HS6ST3: variants seen among roughly 807,000 people sequenced by gnomAD.
The protein encoded by HS6ST3 is heparan-sulfate 6-O-sulfotransferase 3.
HS6ST3 carries 12 observed loss-of-function variants against 36.7 expected under a neutral mutation model. The observed-to-expected ratio is 0.33, with a 90% CI of 0.21 to 0.53. The LOEUF (loss-of-function observed/expected upper bound fraction) is 0.53, where lower values mean the gene tolerates loss of function less well. Ranked by LOEUF, HS6ST3 falls within the 20% of genes least tolerant of loss-of-function variation. HS6ST3 has a pLI of 0.95. For missense variants in HS6ST3, 584 were observed against 640.9 expected, an observed-to-expected ratio of 0.91 and a Z score of 0.96; for synonymous variants, 240 against 257.5, an observed-to-expected ratio of 0.93 and a Z score of 0.65.
At chr13:96,766,980 GT>G (rs967077228) in intron 1 of HS6ST3, among the ~76,000 whole-genome samples, 5 of 152,134 alleles carry the variant, frequency 3.3e-5, no homozygotes, top group Non-Finnish European at 7.4e-5. Flanking sequence ...CAACTTTAGT[GT>G]ATTTTTATGC....
chr13:96,563,401 G>A (rs146379148), intron 1 of HS6ST3, among the ~76,000 whole-genome samples: 164 of 152,204 alleles, frequency 1.1e-3, no homozygotes, highest in Non-Finnish European at 1.8e-3. Flanking sequence ...AGCAGGATTT[G>A]TTTTTCTTGG....
intron 1 of HS6ST3, among the ~76,000 whole-genome samples, chr13:96,549,862 A>G (rs1374790334): frequency 6.6e-6 from 1 of 151,642 alleles, no homozygotes; most frequent in East Asian, 1.9e-4. Context: ...TAGTGCTTCC[A>G]CTCAATGGTG....
intron 1 of HS6ST3, among the ~76,000 whole-genome samples, chr13:96,663,067 G>A (rs369661560): frequency 1.6e-4 from 25 of 152,080 alleles, no homozygotes; most frequent in African/African-American, 3.1e-4. Context: ...AAGCTGGACC[G>A]CTGTGCTCAC....
chr13:96,166,018 G>A (rs1414384100), intron 1 of HS6ST3, among the ~76,000 whole-genome samples: 1 of 144,254 alleles, frequency 6.9e-6, no homozygotes, highest in Non-Finnish European at 1.5e-5. Flanking sequence ...AAGGGTGGAA[G>A]GGGTTATTTA....
intron 1 of HS6ST3, among the ~76,000 whole-genome samples, chr13:96,374,875 A>G (rs1323702902): frequency 6.6e-6 from 1 of 151,862 alleles, no homozygotes; most frequent in African/African-American, 2.4e-5. Context: ...TTTTCTTCTA[A>G]CTCACTAGCT....
At chr13:96,155,228 C>A (rs1300840389) in intron 1 of HS6ST3, among the ~76,000 whole-genome samples, 1 of 152,008 alleles carries the variant, frequency 6.6e-6, no homozygotes, top group East Asian at 1.9e-4. Context: ...ACCTTAAAAG[C>A]CCAAATAATA....
chr13:96,183,374 C>A (rs2054248679), intron 1 of HS6ST3, among the ~76,000 whole-genome samples: 1 of 152,106 alleles, frequency 6.6e-6, no homozygotes, highest in Non-Finnish European at 1.5e-5. Flanking sequence ...TTGGGATGAT[C>A]TTCATTTTGT....
At chr13:96,120,850 G>A (rs1023426577) in intron 1 of HS6ST3, among the ~76,000 whole-genome samples, 2 of 152,166 alleles carry the variant, frequency 1.3e-5, no homozygotes, top group African/African-American at 2.4e-5. Flanking sequence ...TGAGGAGGCT[G>A]ACATATCTAA....
At chr13:96,524,883 G>A (rs1046021862) in intron 1 of HS6ST3, among the ~76,000 whole-genome samples, 2 of 152,186 alleles carry the variant, frequency 1.3e-5, no homozygotes, top group Non-Finnish European at 2.9e-5. Flanking sequence ...TCCTGTCCCA[G>A]TGAGATGAAC....
intron 1 of HS6ST3, among the ~76,000 whole-genome samples, chr13:96,550,366 G>A (rs1026635712): frequency 1.3e-5 from 2 of 152,128 alleles, no homozygotes; most frequent in African/African-American, 4.8e-5. Context: ...CCATCAGTAA[G>A]AGCTTCCTGA....
intron 1 of HS6ST3, among the ~76,000 whole-genome samples, chr13:96,351,335 T>TTTTTTTTTTTAAAA (rs1203595829): frequency 6.8e-6 from 1 of 146,364 alleles, no homozygotes; most frequent in African/African-American, 2.6e-5. Context: ...TTTTTTTTTT[T>TTTTTTTTTTTAAAA]AAAAAAAACA....
intron 1 of HS6ST3, among the ~76,000 whole-genome samples, chr13:96,166,908 C>A (rs1024214775): frequency 6.6e-6 from 1 of 152,036 alleles, no homozygotes; most frequent in Non-Finnish European, 1.5e-5. Context: ...TAAATCTGAT[C>A]ATTTTTTAAA....
intron 1 of HS6ST3, among the ~76,000 whole-genome samples, chr13:96,105,236 C>T (rs1397845498): frequency 6.6e-6 from 1 of 151,960 alleles, no homozygotes; most frequent in Non-Finnish European, 1.5e-5. Context: ...GATCAAGTCT[C>T]CAAGTCACAT....
chr13:96,764,609 T>C (rs1877050165), intron 1 of HS6ST3, among the ~76,000 whole-genome samples: 1 of 152,246 alleles, frequency 6.6e-6, no homozygotes, highest in Non-Finnish European at 1.5e-5. Context: ...GCCATCTTGC[T>C]CAGTGGCCCC....
chr13:96,824,862 C>T (rs779098015), intron 1 of HS6ST3, among the ~76,000 whole-genome samples: 4 of 152,104 alleles, frequency 2.6e-5, no homozygotes, highest in Non-Finnish European at 5.9e-5. Flanking sequence ...AAACATTGAA[C>T]AACTGAACAT....
At chr13:96,287,288 G>A (rs1344829727) in intron 1 of HS6ST3, among the ~76,000 whole-genome samples, 1 of 152,048 alleles carries the variant, frequency 6.6e-6, no homozygotes, top group Non-Finnish European at 1.5e-5. Flanking sequence ...AGATAACTCT[G>A]ATTTACTTCA....
intron 1 of HS6ST3, among the ~76,000 whole-genome samples, chr13:96,157,524 T>C (rs2054115987): frequency 6.6e-6 from 1 of 152,224 alleles, no homozygotes; most frequent in Admixed American, 6.5e-5. Flanking sequence ...ACCTGTGAGA[T>C]AATTTGTCAT....
intron 1 of HS6ST3, among the ~76,000 whole-genome samples, chr13:96,746,042 C>A (rs979825333): frequency 2.0e-5 from 3 of 151,848 alleles, no homozygotes; most frequent in Non-Finnish European, 2.9e-5. Flanking sequence ...AGGACTACAC[C>A]CAAGAAATGC....
chr13:96,539,057 A>G (rs2056167291), intron 1 of HS6ST3, among the ~76,000 whole-genome samples: 1 of 152,134 alleles, frequency 6.6e-6, no homozygotes, highest in Admixed American at 6.5e-5. Context: ...TTACTCTCCC[A>G]GGGTTTCTCA....
Sources: gnomAD v4.1 joint callset for allele counts (sites outside exome capture counted in the v4.1 genomes callset) on GRCh38, gnomAD v4.1.1 for gene constraint, MANE v1.5 for transcripts, NCBI Gene and HGNC (gene_info 2026-07-23, HGNC 2026-07-21) for gene names.